Variants in FOXK1 observed in about 807,000 individuals in gnomAD.
FOXK1 encodes forkhead box protein K1.
In FOXK1, 19 loss-of-function variants were observed where a neutral mutation model predicts 51.9. The observed-to-expected ratio is 0.37, with a 90% confidence interval of 0.26 to 0.54. The LOEUF is 0.54. Among genes scored for constraint, FOXK1 ranks in the 20% least tolerant of loss-of-function variants. The probability of loss-of-function intolerance (pLI) is 0.87; values close to 1 mark genes in which losing one functional copy is unlikely to be tolerated. For missense variants in FOXK1, 870 were observed against 1,032.7 expected (o/e 0.84, Z 2.16); for synonymous variants, 537 against 482.6 (o/e 1.11, Z -1.48).
Position 4,763,939 on chromosome 7 carries a change from C to T in FOXK1, c.*1475C>T, listed in dbSNP as rs962696970. On this transcript the variant is annotated 3_prime_UTR_variant, in exon 9 of 9. Coordinates refer to ENST00000328914, the MANE Select transcript of FOXK1 (RefSeq NM_001037165.2). The stretch of plus-strand genomic sequence containing the variant: ...CAGCGACAGATTCGACGCAGAGCTC[C>T]GGAAGTGCCTGAGGAGCAGTGGTTC... The T allele has an allele frequency of 2.0e-5, 3 of 152,218 alleles. No individual in the cohort carries two copies. Among genetic ancestry groups the T allele is most frequent in the Admixed American group, 6.5e-5 (1 of 15,284 alleles). The allele number at this position is 152,218 out of a possible 1,614,324, so 9.4% of individuals were successfully genotyped here.
chr7:4,725,938 G>A (rs544565525), intron 1 of FOXK1, among the ~76,000 whole-genome samples: 28 of 152,296 alleles, frequency 1.8e-4, no homozygotes, highest in African/African-American at 6.7e-4. Flanking sequence ...AGCTGAGCTC[G>A]GCTGCAGTGG....
intron 1 of FOXK1, among the ~76,000 whole-genome samples, chr7:4,728,542 G>A (rs1364037053): frequency 6.6e-6 from 1 of 152,022 alleles, no homozygotes; most frequent in Non-Finnish European, 1.5e-5. Context: ...CTGCCCTGTG[G>A]GAGCCACGTG....
Position 4,764,572 on chromosome 7 carries a change from G to A in FOXK1, c.*2108G>A, listed in dbSNP as rs75491247. Reference sequence around the variant, plus strand: ...GCATGGCGTGAGAGAACGGGGGGTGGGGGTTGGAGGTGGCTCCCCGACACC... The same window carrying A: ...GCATGGCGTGAGAGAACGGGGGGTGAGGGTTGGAGGTGGCTCCCCGACACC... On this transcript the variant is annotated 3_prime_UTR_variant, in exon 9 of 9. Coordinates refer to ENST00000328914, the MANE Select transcript of FOXK1 (RefSeq NM_001037165.2). 1.3e-5 allele frequency: 2 copies of A among 153,340 alleles called. No individual in the cohort carries two copies. The highest frequency in any genetic ancestry group is 2.9e-5 in the Non-Finnish European group (2 of 68,894). The allele number at this position is 153,340 out of a possible 1,614,324, so 9.5% of individuals were successfully genotyped here. A position where few individuals can be genotyped will look rare whatever the true frequency, so the allele number is the denominator to read the frequency against.
At position 4,709,019 on chromosome 7, in the gene FOXK1, C is replaced by G. The variant is rs1198082205; in HGVS notation, c.560+26151C>G. On this transcript the variant is annotated intron_variant, in intron 1 of 8. Transcript: ENST00000328914. The surrounding 1 kb of genome is among the most constrained non-coding windows in gnomAD (Gnocchi z 5.6). ...GGTGGAGGTTGCAGTGAGCCAAGAT[C>G]GCCCCACTGCACTCCAGCCTGGGCA... Among the ~76,000 whole-genome samples, 1 of 149,352 alleles carries G rather than the reference C, an allele frequency of 6.7e-6. No individual in the cohort carries two copies. The highest frequency in any genetic ancestry group is 1.5e-5 in the Non-Finnish European group (1 of 67,604).
In FOXK1 at chr7:4,751,162, C is replaced by A. The variant is rs566248254; in HGVS notation, c.747-3297C>A. On this transcript the variant is annotated intron_variant, in intron 2 of 8. Coordinates refer to ENST00000328914, the MANE Select transcript of FOXK1 (RefSeq NM_001037165.2). ...CCAGAGTAGCTGGTACTACAGGCACCTGCCACCATGCCCGGCTAATTTTTT... is the reference window on the plus strand; with the variant it reads ...CCAGAGTAGCTGGTACTACAGGCACATGCCACCATGCCCGGCTAATTTTTT... Among the ~76,000 whole-genome samples, 5 of 151,766 alleles carry A rather than the reference C, an allele frequency of 3.3e-5. No homozygotes were observed. In the East Asian group the frequency reaches 9.7e-4, roughly 30 times the overall value.
At chr7:4,742,237 C>T (rs1780643495) in intron 2 of FOXK1, among the ~76,000 whole-genome samples, 1 of 152,204 alleles carries the variant, frequency 6.6e-6, no homozygotes, top group Non-Finnish European at 1.5e-5. Context: ...GGGCTCAGGG[C>T]CCTCGGGGAC....
chr7:4,759,869 G>GA (rs530259498), intron 7 of FOXK1: 407 of 541,976 alleles, frequency 7.5e-4, no homozygotes, highest in Non-Finnish European at 1.1e-3. Context: ...CGTCTCTACT[G>GA]AAAATACAAA....
chr7:4,743,645 C>T lies in FOXK1; in HGVS notation c.746+2622C>T, dbSNP rs538197314. Among the ~76,000 whole-genome samples the T allele has an allele frequency of 2.8e-4, 43 of 152,300 alleles. No individual in the cohort carries two copies. The highest frequency in any genetic ancestry group is 6.0e-4 in the Non-Finnish European group (41 of 68,034). On this transcript the variant is annotated intron_variant, in intron 2 of 8. Coordinates refer to ENST00000328914, the MANE Select transcript of FOXK1 (RefSeq NM_001037165.2). This position sits in a 1 kb window ranked among gnomAD's most constrained non-coding sequence, Gnocchi z 5.3. ...TATGTACTTAAGTCTTCACCTAGTA[C>T]CACCTTAAAGGCGCTGTAGAAATGG...
Position 4,722,119 on chromosome 7 carries a change from G to A in FOXK1, c.561-18719G>A, listed in dbSNP as rs1780321362. On this transcript the variant is annotated intron_variant, in intron 1 of 8. Coordinates refer to ENST00000328914, the MANE Select transcript of FOXK1 (RefSeq NM_001037165.2). This position sits in a 1 kb window ranked among gnomAD's most constrained non-coding sequence, Gnocchi z 5.1. Reference sequence around the variant, plus strand: ...TGCTAGAGGAGGGGACTTTGGTGGGGCCTTGGGCTCTTGGTCACATCCTGC... The same window carrying A: ...TGCTAGAGGAGGGGACTTTGGTGGGACCTTGGGCTCTTGGTCACATCCTGC... Among the ~76,000 whole-genome samples the A allele has an allele frequency of 6.6e-6, 1 of 152,164 alleles. No individual in the cohort carries two copies. The highest frequency in any genetic ancestry group is 1.5e-5 in the Non-Finnish European group (1 of 68,032).
At chr7:4,716,456 T>C (rs1041219844) in intron 1 of FOXK1, among the ~76,000 whole-genome samples, 1 of 152,088 alleles carries the variant, frequency 6.6e-6, no homozygotes, top group Non-Finnish European at 1.5e-5. Flanking sequence ...CCGTAAGCTA[T>C]GATGGCACCA....
chr7:4,761,045 C>T lies in FOXK1; in HGVS notation c.1697-19C>T, dbSNP rs201444180. On this transcript the variant is annotated intron_variant, in intron 7 of 8. Transcript: ENST00000328914. The surrounding 1 kb of genome is among the most constrained non-coding windows in gnomAD (Gnocchi z 6.2). ...TCTCGTTGGCCGAGTGTGGTGCTGACTTGGTTCCTGTCCCGCAGGCCTGGA... is the reference window on the plus strand; with the variant it reads ...TCTCGTTGGCCGAGTGTGGTGCTGATTTGGTTCCTGTCCCGCAGGCCTGGA... 148 of 1,603,974 alleles carry T rather than the reference C, an allele frequency of 9.2e-5. 1 individual carries two copies. The Middle Eastern group carries it at 4.3e-3, about 46-fold the overall frequency.
intron 2 of FOXK1, 129 bp downstream of exon 2, chr7:4,741,152 G>A: frequency 1.6e-6 from 1 of 629,184 alleles, no homozygotes; most frequent in East Asian, 3.5e-5. Context: ...TACAGAAAGT[G>A]TTGTACGTCC....
At position 4,683,790 on chromosome 7, in the gene FOXK1, C is replaced by T. The variant is rs1243824768; in HGVS notation, c.560+922C>T. Reference sequence around the variant, plus strand: ...CTGGGTCCTGGGGGACCCCAACACACTCACCCAGGACAGTGGGAGGGTGTT... The same window carrying T: ...CTGGGTCCTGGGGGACCCCAACACATTCACCCAGGACAGTGGGAGGGTGTT... On this transcript the variant is annotated intron_variant, in intron 1 of 8. Coordinates refer to ENST00000328914, the MANE Select transcript of FOXK1 (RefSeq NM_001037165.2). This position sits in a 1 kb window ranked among gnomAD's most constrained non-coding sequence, Gnocchi z 4.5. Among the ~76,000 whole-genome samples the T allele has an allele frequency of 6.6e-6, 1 of 152,216 alleles. No individual in the cohort carries two copies. Among genetic ancestry groups the T allele is most frequent in the Non-Finnish European group, 1.5e-5 (1 of 68,020 alleles).
rs1780826539 is a variant in FOXK1, at chr7:4,755,034, A to G, written c.904-203A>G. Reference sequence around the variant, plus strand: ...CAGAATTAAATTATAATAAAACCGAAGTTTTCCTTCCCATGAGGCAAAAAT... The same window carrying G: ...CAGAATTAAATTATAATAAAACCGAGGTTTTCCTTCCCATGAGGCAAAAAT... On this transcript the variant is annotated intron_variant, in intron 3 of 8. Transcript: ENST00000328914. The surrounding 1 kb of genome is among the most constrained non-coding windows in gnomAD (Gnocchi z 6.6). The G allele has an allele frequency of 1.6e-6, 1 of 609,486 alleles. No homozygotes were observed. The highest frequency in any genetic ancestry group is 1.8e-5 in the African/African-American group (1 of 54,054). The allele number at this position is 609,486 out of a possible 1,614,324, so 37.8% of individuals were successfully genotyped here.
intron 1 of FOXK1, among the ~76,000 whole-genome samples, chr7:4,739,887 A>G (rs987371170): frequency 1.3e-5 from 2 of 152,230 alleles, no homozygotes; most frequent in East Asian, 3.8e-4. Flanking sequence ...GTGCCACAGC[A>G]GTTGCCCTGG....
Position 4,693,585 on chromosome 7 carries a change from C to T in FOXK1, c.560+10717C>T, listed in dbSNP as rs577534035. ...TATTTTCCCTGGGGGCCTCTGTCGC[C>T]CAAGCCGCTCTCTGATGGTGCCCTT... On this transcript the variant is annotated intron_variant, in intron 1 of 8. Transcript: ENST00000328914. Among the ~76,000 whole-genome samples the T allele has an allele frequency of 2.3e-4, 35 of 152,238 alleles. 1 individual carries two copies. The South Asian group carries it at 7.3e-3, about 32-fold the overall frequency.
Position 4,697,579 on chromosome 7 carries a change from CTCT to C in FOXK1, c.560+14714_560+14716del, listed in dbSNP as rs1243615128. ...CCCTGCCTTAGGCCACAGACTTCTA[CTCT>C]TCCACATCAGTGCGTTTACCTGGGT... On this transcript the variant is annotated intron_variant, in intron 1 of 8. Coordinates refer to ENST00000328914, the MANE Select transcript of FOXK1 (RefSeq NM_001037165.2). Among the ~76,000 whole-genome samples the C allele has an allele frequency of 2.0e-5, 3 of 152,234 alleles. No homozygotes were observed. In the East Asian group the frequency reaches 5.8e-4, roughly 29 times the overall value.
In FOXK1 at chr7:4,753,551, C is replaced by T. The variant is rs376497514; in HGVS notation, c.747-908C>T. Among the ~76,000 whole-genome samples, 3 of 152,068 alleles carry T rather than the reference C, an allele frequency of 2.0e-5. No individual in the cohort carries two copies. Among genetic ancestry groups the T allele is most frequent in the Non-Finnish European group, 4.4e-5 (3 of 68,004 alleles). On this transcript the variant is annotated intron_variant, in intron 2 of 8. Coordinates refer to ENST00000328914, the MANE Select transcript of FOXK1 (RefSeq NM_001037165.2). This position sits in a 1 kb window ranked among gnomAD's most constrained non-coding sequence, Gnocchi z 4.9. ...CAGGTGGGCAGGGTCCATCTCAGGACGGGGCTAGGTGGGTGCCCGTGAGCT... is the reference window on the plus strand; with the variant it reads ...CAGGTGGGCAGGGTCCATCTCAGGATGGGGCTAGGTGGGTGCCCGTGAGCT...
rs1245495092 is a variant in FOXK1 at position 4,758,959 on chromosome 7, G to A, written c.1245-92G>A. The A allele has an allele frequency of 6.6e-6, 9 of 1,360,074 alleles. No homozygotes were observed. Among genetic ancestry groups the A allele is most frequent in the African/African-American group, 2.9e-5 (2 of 68,552 alleles). 84.3% of individuals were successfully genotyped at this position (1,360,074 alleles called of 1,614,324 possible). On this transcript the variant is annotated intron_variant, in intron 5 of 8. Transcript: ENST00000328914. The surrounding 1 kb of genome is among the most constrained non-coding windows in gnomAD (Gnocchi z 4.4). The stretch of plus-strand genomic sequence containing the variant: ...GAGACGAGCTCCAGGGAGCGTGGGC[G>A]GGTGACGGCGCTGAGATGCGTGATG...
Sources: allele counts gnomAD v4.1 joint callset (sites outside exome capture counted in the v4.1 genomes callset), GRCh38; gene constraint gnomAD v4.1.1; non-coding constraint Gnocchi (gnomAD v3.1); transcripts MANE v1.5; gene names NCBI Gene and HGNC (gene_info 2026-07-23, HGNC 2026-07-21).